SMAD3: variants seen among roughly 807,000 people sequenced by gnomAD.
SMAD3 encodes the protein SMAD family member 3, also known as MAD homolog 3.
In SMAD3, 12 loss-of-function variants were observed where a neutral mutation model predicts 51.8. The observed-to-expected ratio is 0.23, with a 90% confidence interval of 0.15 to 0.38. The LOEUF is 0.38. Among genes scored for constraint, SMAD3 ranks in the 10% least tolerant of loss-of-function variants. The pLI is 1.00. For missense variants in SMAD3, 294 were observed against 565.6 expected, an observed-to-expected ratio of 0.52 and a Z score of 4.87; for synonymous variants, 238 against 227.7, an observed-to-expected ratio of 1.05 and a Z score of -0.41.
At chr15:67,170,760 G>C in intron 5 of SMAD3, 156 bp downstream of exon 5, 1 of 640,428 alleles carries the variant, frequency 1.6e-6, no homozygotes, top group Non-Finnish European at 2.8e-6. Context: ...GTGATGTTGA[G>C]GTCACCACGG....
intron 1 of SMAD3, chr15:67,098,970 G>C (rs1356083146): frequency 1.4e-6 from 1 of 702,382 alleles, no homozygotes; most frequent in Admixed American, 2.0e-5. Flanking sequence ...TCACAAATGT[G>C]GACTTTTGCC....
intron 1 of SMAD3, among the ~76,000 whole-genome samples, chr15:67,121,346 C>A (rs1961257470): frequency 6.6e-6 from 1 of 152,180 alleles, no homozygotes; most frequent in South Asian, 2.1e-4. Flanking sequence ...GCCAGCCGGC[C>A]TTGTGGGTCC....
chr15:67,119,315 G>T (rs542630994), intron 1 of SMAD3, among the ~76,000 whole-genome samples: 2 of 152,232 alleles, frequency 1.3e-5, no homozygotes, highest in Non-Finnish European at 2.9e-5. Flanking sequence ...AGGCCACTAG[G>T]TGACCTTAGC....
intron 4 of SMAD3, among the ~76,000 whole-genome samples, chr15:67,167,841 G>C (rs1047692650): frequency 3.3e-5 from 5 of 152,142 alleles, no homozygotes; most frequent in African/African-American, 1.2e-4. Context: ...AGGGGAGAGG[G>C]AACCACGCAG....
chr15:67,065,958 G>C lies in SMAD3; in HGVS notation c.-197G>C. 4.7e-6 allele frequency: 1 copy of C among 211,010 alleles called. No homozygotes were observed. The highest frequency in any genetic ancestry group is 7.8e-5 in the East Asian group (1 of 12,886). 13.1% of individuals were successfully genotyped at this position (211,010 alleles called of 1,614,324 possible). A position where few individuals can be genotyped will look rare whatever the true frequency, so the allele number is the denominator to read the frequency against. ...CTCTTCGCCGTGGGAGCCGCTCCGG[G>C]CGCAGGGCCGCGCGCCGAGCCCCGC... On this transcript the variant is annotated 5_prime_UTR_variant, in exon 1 of 9. Coordinates refer to ENST00000327367, the MANE Select transcript of SMAD3 (RefSeq NM_005902.4).
At chr15:67,189,160 G>A (rs1963298104) in intron 8 of SMAD3, among the ~76,000 whole-genome samples, 1 of 152,156 alleles carries the variant, frequency 6.6e-6, no homozygotes, top group African/African-American at 2.4e-5. Flanking sequence ...AGTGAAGAAG[G>A]GAAATATTTA....
intron 1 of SMAD3, among the ~76,000 whole-genome samples, chr15:67,146,591 CACTTA>C (rs1353030519): frequency 6.6e-6 from 1 of 152,140 alleles, no homozygotes; most frequent in Non-Finnish European, 1.5e-5. Context: ...TTCTCTCAGA[CACTTA>C]TATGGAATCT....
chr15:67,175,969 C>T (rs1488345257), intron 5 of SMAD3, among the ~76,000 whole-genome samples: 2 of 152,206 alleles, frequency 1.3e-5, no homozygotes, highest in African/African-American at 4.8e-5. Context: ...GACAGGAAGT[C>T]AGCTGTCGGC....
At chr15:67,126,903 A>T (rs943713376) in intron 1 of SMAD3, among the ~76,000 whole-genome samples, 2 of 152,060 alleles carry the variant, frequency 1.3e-5, no homozygotes, top group Non-Finnish European at 2.9e-5. Flanking sequence ...TGAGGAGAAG[A>T]TAGTCACCAC....
At chr15:67,182,993 A>ATT (rs1437357439) in intron 6 of SMAD3, among the ~76,000 whole-genome samples, 1 of 54,704 alleles carries the variant, frequency 1.8e-5, no homozygotes, top group Non-Finnish European at 3.3e-5. Context: ...TATTAAAAAA[A>ATT]AAAAAAAATA....
rs1466542861 is a variant in SMAD3, at chr15:67,065,797, G to A, written c.-358G>A. ...GGGGGTTGGACTTTCCTTCCCGGAG[G>A]CGGCACCCAAACAGCTACCCCGTGC... On this transcript the variant is annotated 5_prime_UTR_variant, in exon 1 of 9. Transcript: ENST00000327367. 4.9e-6 allele frequency: 1 copy of A among 205,496 alleles called. No homozygotes were observed. 12.7% of individuals were successfully genotyped at this position (205,496 alleles called of 1,614,324 possible). A position where few individuals can be genotyped will look rare whatever the true frequency, so the allele number is the denominator to read the frequency against.
At chr15:67,136,693 T>G (rs1281442181) in intron 1 of SMAD3, among the ~76,000 whole-genome samples, 1 of 152,224 alleles carries the variant, frequency 6.6e-6, no homozygotes, top group African/African-American at 2.4e-5. Flanking sequence ...CCTCCCCACT[T>G]TAACATAACT....
At chr15:67,140,362 T>C (rs1422753784) in intron 1 of SMAD3, among the ~76,000 whole-genome samples, 5 of 152,194 alleles carry the variant, frequency 3.3e-5, no homozygotes, top group Admixed American at 6.5e-5. Context: ...ACCCAGGAGG[T>C]AGAGTTGAGT....
chr15:67,076,131 G>T (rs891471154), intron 1 of SMAD3, among the ~76,000 whole-genome samples: 1 of 152,142 alleles, frequency 6.6e-6, no homozygotes, highest in Non-Finnish European at 1.5e-5. Context: ...GTTGATATAG[G>T]AAAAGGATCT....
chr15:67,150,613 A>G (rs1367279730), intron 1 of SMAD3, among the ~76,000 whole-genome samples: 3 of 152,174 alleles, frequency 2.0e-5, no homozygotes, highest in African/African-American at 7.2e-5. Context: ...CTGGGAAAAG[A>G]GGGCAGAGAG....
Position 67,165,079 on chromosome 15 carries a change from G to C in SMAD3, c.391G>C (p.Glu131Gln), listed in dbSNP as rs750982529. Residue 131 changes from glutamate (E) to glutamine (Q), a missense_variant, in exon 2 of 9, where the codon GAG becomes CAG. Physicochemically the swap from Glu to Gln is conservative, Grantham distance 29. Coordinates refer to ENST00000327367, the MANE Select transcript of SMAD3 (RefSeq NM_005902.4). ...GAATCCCTACCACTACCAGAGAGTAGAGACACCAGGTATGCTGCCTGGCCT... is the reference window on the plus strand; with the variant it reads ...GAATCCCTACCACTACCAGAGAGTACAGACACCAGGTATGCTGCCTGGCCT... ...CVNPYHYQRV[E>Q]TPVLPPVLVP... is the part of the protein sequence containing the mutation. The C allele has an allele frequency of 1.1e-5, 17 of 1,614,174 alleles. No individual in the cohort carries two copies. The highest frequency in any genetic ancestry group is 1.4e-5 in the Non-Finnish European group (17 of 1,180,030).
At chr15:67,155,986 CA>C (rs35796267) in intron 1 of SMAD3, among the ~76,000 whole-genome samples, 108,459 of 141,354 alleles carry the variant, frequency 0.77, 40,984 homozygotes, top group African/African-American at 0.81. Flanking sequence ...AACTCCATCT[CA>C]AAAAAAAAAA....
At chr15:67,124,307 A>C (rs765369177) in intron 1 of SMAD3, among the ~76,000 whole-genome samples, 1 of 152,204 alleles carries the variant, frequency 6.6e-6, no homozygotes, top group Non-Finnish European at 1.5e-5. Flanking sequence ...CCTTTGAAAG[A>C]AGGCATTGCT....
intron 7 of SMAD3, chr15:67,186,810 G>C: frequency 3.0e-6 from 1 of 333,254 alleles, no homozygotes; most frequent in Non-Finnish European, 5.9e-6. Context: ...TTCATCAGAG[G>C]AGCCCAGGTG....
Sources: allele counts gnomAD v4.1 joint callset (sites outside exome capture counted in the v4.1 genomes callset), GRCh38; gene constraint gnomAD v4.1.1; transcripts MANE v1.5; gene names NCBI Gene and HGNC (gene_info 2026-07-23, HGNC 2026-07-21).